The following FGL1 variants were observed in gnomAD, a reference collection of about 807,000 sequenced individuals.
FGL1 encodes the protein fibrinogen-like protein 1.
A neutral mutation model predicts 43.7 loss-of-function variants in FGL1; 59 were observed. The observed-to-expected ratio is 1.35, with a 90% CI of 1.10 to 1.68. The LOEUF is 1.68. Among genes scored for constraint, FGL1 ranks in the 40% most tolerant of loss-of-function variants. The pLI is 0.00. For missense variants in FGL1, 596 were observed against 373.0 expected (o/e 1.60, Z -4.92); for synonymous variants, 192 against 126.5 (o/e 1.52, Z -3.48).
At position 17,875,481 on chromosome 8, in the gene FGL1, CTCTTTCTT is replaced by C. The variant is rs1172572579; in HGVS notation, c.245-968_245-961del. On this transcript the variant is annotated intron_variant, in intron 3 of 7. Coordinates refer to ENST00000427924, the MANE Select transcript of FGL1 (RefSeq NM_004467.4). ...CCCCTTTGTCACCAAAAAGTGATAT[CTCTTTCTT>C]TCTTTCTTTCTTTCTTTCTTTCTTT... 5.3e-4 allele frequency among the ~76,000 whole-genome samples: 69 copies of C among 129,796 alleles called. 3 individuals carry two copies. In the South Asian group the frequency reaches 7.9e-3, roughly 15 times the overall value. The allele number at this position is 129,796 out of a possible 152,430, so 85.2% of individuals were successfully genotyped here.
At chr8:17,875,543 T>TCTCTCTCTC (rs1563452419) in intron 3 of FGL1, among the ~76,000 whole-genome samples, 8 of 16,824 alleles carry the variant, frequency 4.8e-4, no homozygotes, top group African/African-American at 1.0e-3. Context: ...TTCTCTTTCT[T>TCTCTCTCTC]TCTTTCTTTC....
intron 1 of FGL1, chr8:17,891,746 C>T: frequency 1.0e-6 from 1 of 983,420 alleles, no homozygotes; most frequent in Non-Finnish European, 1.2e-6. Flanking sequence ...TATGGGAGAT[C>T]AAATTCTTTT....
chr8:17,879,884 G>T (rs2467071), intron 3 of FGL1, among the ~76,000 whole-genome samples: 19,194 of 152,096 alleles, frequency 0.13, 1,861 homozygotes, highest in African/African-American at 0.26. Flanking sequence ...TGACCCTTGA[G>T]TCTGTGCCAA....
chr8:17,883,668 A>G (rs1432801467), intron 2 of FGL1, among the ~76,000 whole-genome samples: 2 of 145,896 alleles, frequency 1.4e-5, no homozygotes, highest in African/African-American at 5.0e-5. Context: ...TTATATTTAT[A>G]TAGTCTATAA....
intron 2 of FGL1, among the ~76,000 whole-genome samples, chr8:17,885,199 C>T (rs951531490): frequency 6.6e-6 from 1 of 151,818 alleles, no homozygotes; most frequent in East Asian, 1.9e-4. Flanking sequence ...TGCCATCACG[C>T]CCGGCTAATT....
In FGL1 at chr8:17,875,273, T is replaced by A. The variant is rs557496650; in HGVS notation, c.245-752A>T. Among the ~76,000 whole-genome samples the A allele has an allele frequency of 2.0e-3, 307 of 152,296 alleles. 3 individuals carry two copies. Among genetic ancestry groups the A allele is most frequent in the Non-Finnish European group, 3.8e-3 (259 of 68,022 alleles). On this transcript the variant is annotated intron_variant, in intron 3 of 7. Coordinates refer to ENST00000427924, the MANE Select transcript of FGL1 (RefSeq NM_004467.4). The stretch of plus-strand genomic sequence containing the variant: ...GTGCCATGTTGGTGTGCTGCACCCA[T>A]AATCTTGTCAAAATCTTATAATCTC...
At chr8:17,879,946 T>C (rs1279063125) in intron 3 of FGL1, among the ~76,000 whole-genome samples, 1 of 152,158 alleles carries the variant, frequency 6.6e-6, no homozygotes, top group African/African-American at 2.4e-5. Context: ...GGGCTTGGTT[T>C]GAAATTTGGA....
At chr8:17,883,691 T>TATATA (rs1554567292) in intron 2 of FGL1, among the ~76,000 whole-genome samples, 1 of 145,556 alleles carries the variant, frequency 6.9e-6, no homozygotes, top group African/African-American at 2.5e-5. Flanking sequence ...TATATATATT[T>TATATA]TTTATATATA....
chr8:17,872,709 C>G (rs2053382541), intron 5 of FGL1, among the ~76,000 whole-genome samples: 4 of 152,082 alleles, frequency 2.6e-5, no homozygotes, highest in Admixed American at 2.6e-4. Flanking sequence ...TGATGATAAT[C>G]TCAGACTACA....
At position 17,874,072 on chromosome 8, in the gene FGL1, T is replaced by C. The variant is rs373250063; in HGVS notation, c.449A>G (p.Lys150Arg). 8 of 1,612,100 alleles carry C rather than the reference T, an allele frequency of 5.0e-6. No homozygotes were observed. Among genetic ancestry groups the C allele is most frequent in the South Asian group, 4.4e-5 (4 of 90,484 alleles). Residue 150 changes from lysine (K) to arginine (R), a missense_variant, in exon 5 of 8, where the codon AAA (lysine) becomes AGA (arginine). By Grantham distance (26) the Lys-to-Arg change is conservative. Transcript: ENST00000427924. ...YENGFGNFVQ[K>R]HGEYWLGNKN... Reference sequence around the variant, plus strand: ...ATTGCCCAGCCAATATTCACCATGTTTTTGGACAAAATTTCCAAAGCCATT... The same window carrying C: ...ATTGCCCAGCCAATATTCACCATGTCTTTGGACAAAATTTCCAAAGCCATT...
chr8:17,895,434 T>A lies in FGL1; in HGVS notation c.-18+13A>T. 7.8e-7 allele frequency: 1 copy of A among 1,283,430 alleles called. No homozygotes were observed. Among genetic ancestry groups the A allele is most frequent in the Non-Finnish European group, 1.0e-6 (1 of 984,564 alleles). The allele number at this position is 1,283,430 out of a possible 1,614,324, so 79.5% of individuals were successfully genotyped here. On this transcript the variant is annotated intron_variant, in intron 1 of 7. Transcript: ENST00000427924. ...CAAGCATGTCAAAAATGCAGAGACA[T>A]TAAATAACTTGCCTAAAGTCAGAAG...
chr8:17,871,784 A>G (rs972970527), intron 5 of FGL1, among the ~76,000 whole-genome samples: 2 of 152,322 alleles, frequency 1.3e-5, no homozygotes, highest in African/African-American at 4.8e-5. Flanking sequence ...GGGCCCAGGA[A>G]CTGAAAAACA....
rs928589832 is a variant in FGL1, at chr8:17,895,449, A to G, written c.-20T>C. ...TGCAGAGACATTAAATAACTTGCCT[A>G]AAGTCAGAAGTGAGTCAGAGACCCA... On this transcript the variant is annotated splice_region_variant and 5_prime_UTR_variant, in exon 1 of 8. Transcript: ENST00000427924. 7 of 1,283,750 alleles carry G rather than the reference A, an allele frequency of 5.5e-6. No individual in the cohort carries two copies. Among genetic ancestry groups the G allele is most frequent in the Non-Finnish European group, 7.1e-6 (7 of 984,456 alleles). 79.5% of individuals were successfully genotyped at this position (1,283,750 alleles called of 1,614,324 possible).
intron 3 of FGL1, among the ~76,000 whole-genome samples, chr8:17,879,341 T>C (rs2131720852): frequency 6.6e-6 from 1 of 152,244 alleles, no homozygotes; most frequent in African/African-American, 2.4e-5. Context: ...TCCCAAAGTC[T>C]GCTCCCCAGC....
chr8:17,875,698 G>A (rs978488270), intron 3 of FGL1, among the ~76,000 whole-genome samples: 3 of 151,662 alleles, frequency 2.0e-5, no homozygotes, highest in Admixed American at 6.6e-5. Flanking sequence ...TCCGCCTCCC[G>A]GGTTCAAGCG....
intron 7 of FGL1, among the ~76,000 whole-genome samples, chr8:17,867,397 A>G (rs192451052): frequency 1.5e-4 from 22 of 151,662 alleles, no homozygotes; most frequent in African/African-American, 5.4e-4. Flanking sequence ...GCTAGGGGGA[A>G]AAATCTTTTG....
chr8:17,865,352 T>C (rs1316091590), intron 7 of FGL1, among the ~76,000 whole-genome samples: 2 of 152,160 alleles, frequency 1.3e-5, no homozygotes, highest in Non-Finnish European at 2.9e-5. Flanking sequence ...TACTACTGGC[T>C]TTCCTGGATA....
At chr8:17,877,614 A>G (rs1410334820) in intron 3 of FGL1, among the ~76,000 whole-genome samples, 4 of 14,010 alleles carry the variant, frequency 2.9e-4, no homozygotes, top group African/African-American at 4.7e-4. Flanking sequence ...CAACATAAGG[A>G]AAAAAAAAAA....
intron 5 of FGL1, among the ~76,000 whole-genome samples, chr8:17,871,795 C>T (rs926598955): frequency 2.6e-5 from 4 of 152,128 alleles, no homozygotes; most frequent in East Asian, 1.9e-4. Context: ...CTGAAAAACA[C>T]GTTTTTTCTC....
Sources: gnomAD v4.1 joint callset for allele counts (sites outside exome capture counted in the v4.1 genomes callset) on GRCh38, gnomAD v4.1.1 for gene constraint, MANE v1.5 for transcripts, NCBI Gene and HGNC (gene_info 2026-07-23, HGNC 2026-07-21) for gene names.